Variants in IMMP2L observed in about 807,000 individuals in gnomAD.
IMMP2L encodes mitochondrial inner membrane protease subunit 2.
Under a neutral mutation model 19.3 loss-of-function variants are expected in IMMP2L, and 18 were observed. The ratio of observed to expected loss-of-function variants is 0.93; its 90% confidence interval spans 0.64 to 1.38. The LOEUF (loss-of-function observed/expected upper bound fraction) is 1.38. IMMP2L is among the 40% of genes most tolerant of loss of function. The pLI is 0.00. For missense variants in IMMP2L, 233 were observed against 218.2 expected (o/e 1.07, Z -0.43); for synonymous variants, 76 against 73.0 (o/e 1.04, Z -0.21).
intron 3 of IMMP2L, among the ~76,000 whole-genome samples, chr7:111,028,005 A>G (rs1049471571): frequency 1.6e-4 from 24 of 152,150 alleles, no homozygotes; most frequent in African/African-American, 4.8e-4. Context: ...TGGGTTAAAA[A>G]TAAGTCATAT....
chr7:110,788,321 T>G (rs1800226665), intron 5 of IMMP2L, among the ~76,000 whole-genome samples: 1 of 152,032 alleles, frequency 6.6e-6, no homozygotes, highest in African/African-American at 2.4e-5. Flanking sequence ...GATTGACAAT[T>G]AATTCTCAGT....
At chr7:111,427,918 A>C (rs1836245218) in intron 3 of IMMP2L, among the ~76,000 whole-genome samples, 2 of 151,834 alleles carry the variant, frequency 1.3e-5, no homozygotes, top group African/African-American at 4.9e-5. Context: ...ATTGGACTTA[A>C]GATATAGCTA....
Position 111,281,156 on chromosome 7 carries a change from CAG to C in IMMP2L, c.239+206080_239+206081del, listed in dbSNP as rs1358145485. Among the ~76,000 whole-genome samples, 28 of 67,812 alleles carry C rather than the reference CAG, an allele frequency of 4.1e-4. No individual in the cohort carries two copies. The Admixed American group carries it at 5.2e-3, about 13-fold the overall frequency. 44.5% of individuals were successfully genotyped at this position (67,812 alleles called of 152,430 possible). A position where few individuals can be genotyped will look rare whatever the true frequency, so the allele number is the denominator to read the frequency against. On this transcript the variant is annotated intron_variant, in intron 3 of 5. Transcript: ENST00000405709. The stretch of plus-strand genomic sequence containing the variant: ...AGAGAAAGACAGAAAGACAGAAAGA[CAG>C]AAAGAAAGAAAGAAAGAAAGAAAGA...
At chr7:110,820,225 C>T (rs950440537) in intron 5 of IMMP2L, among the ~76,000 whole-genome samples, 1 of 151,962 alleles carries the variant, frequency 6.6e-6, no homozygotes, top group Admixed American at 6.6e-5. Context: ...TTATGAAATG[C>T]TCTGGGCTTT....
At chr7:111,072,492 CCATG>C (rs1355419830) in intron 3 of IMMP2L, among the ~76,000 whole-genome samples, 7 of 151,970 alleles carry the variant, frequency 4.6e-5, no homozygotes, top group Non-Finnish European at 1.0e-4. Context: ...TAACCTCAAT[CCATG>C]CATGAGGAAA....
intron 4 of IMMP2L, among the ~76,000 whole-genome samples, chr7:110,912,554 G>A (rs1813165928): frequency 6.6e-6 from 1 of 150,884 alleles, no homozygotes; most frequent in African/African-American, 2.4e-5. Flanking sequence ...GTTTCTGTGA[G>A]CATTAAAAAT....
In IMMP2L at chr7:110,924,636, T is replaced by C. The variant is rs1465896799; in HGVS notation, c.306-37941A>G. ...AATAAGTAGATAATTGGATGTCTAA[T>C]TTTTTTCTTCAAATAGCTTCTTTTT... On this transcript the variant is annotated intron_variant, in intron 4 of 5. Coordinates refer to ENST00000405709, the MANE Select transcript of IMMP2L (RefSeq NM_032549.4). This position sits in a 1 kb window ranked among gnomAD's most constrained non-coding sequence, Gnocchi z 4.2. 6.6e-6 allele frequency among the ~76,000 whole-genome samples: 1 copy of C among 152,194 alleles called. No homozygotes were observed. The highest frequency in any genetic ancestry group is 1.5e-5 in the Non-Finnish European group (1 of 68,028).
intron 5 of IMMP2L, among the ~76,000 whole-genome samples, chr7:110,700,855 T>C (rs1794234166): frequency 6.6e-6 from 1 of 152,258 alleles, no homozygotes; most frequent in South Asian, 2.1e-4. Flanking sequence ...TATTCCTATG[T>C]ACTGATATAG....
At chr7:110,706,991 A>AAT (rs540093587) in intron 5 of IMMP2L, among the ~76,000 whole-genome samples, 1 of 134,456 alleles carries the variant, frequency 7.4e-6, no homozygotes, top group Non-Finnish European at 1.6e-5. Context: ...TTACACTTAA[A>AAT]TTTTTTTTTT....
At chr7:110,940,245 G>A (rs1816585976) in intron 4 of IMMP2L, among the ~76,000 whole-genome samples, 1 of 151,552 alleles carries the variant, frequency 6.6e-6, no homozygotes, top group South Asian at 2.1e-4. Flanking sequence ...CTTGAACCTG[G>A]GAGTTGGAGC....
chr7:111,219,058 T>C (rs1469643921), intron 3 of IMMP2L, among the ~76,000 whole-genome samples: 1 of 152,024 alleles, frequency 6.6e-6, no homozygotes, highest in Non-Finnish European at 1.5e-5. Flanking sequence ...AATAGAGGTA[T>C]TAAGCTAGAA....
intron 3 of IMMP2L, among the ~76,000 whole-genome samples, chr7:111,156,015 A>C (rs1267247124): frequency 6.6e-6 from 1 of 152,116 alleles, no homozygotes; most frequent in Non-Finnish European, 1.5e-5. Context: ...TGTGAGATTT[A>C]TCCATGTTCT....
chr7:111,199,883 C>A (rs1354691609), intron 3 of IMMP2L, among the ~76,000 whole-genome samples: 1 of 152,088 alleles, frequency 6.6e-6, no homozygotes. Flanking sequence ...CTCCAGGAAA[C>A]TGGGTGTAGT....
chr7:111,539,861 G>C (rs535226618), intron 1 of IMMP2L, among the ~76,000 whole-genome samples: 8 of 152,234 alleles, frequency 5.3e-5, no homozygotes, highest in African/African-American at 1.9e-4. Flanking sequence ...GTGCTAAAAT[G>C]AGAAATACCA....
chr7:111,440,980 A>C (rs1317497078), intron 3 of IMMP2L, among the ~76,000 whole-genome samples: 3 of 151,888 alleles, frequency 2.0e-5, no homozygotes, highest in African/African-American at 7.3e-5. Flanking sequence ...TGCTAGCTTC[A>C]AACTTTTCTT....
At chr7:111,421,062 G>C (rs1262913187) in intron 3 of IMMP2L, among the ~76,000 whole-genome samples, 1 of 151,650 alleles carries the variant, frequency 6.6e-6, no homozygotes, top group Non-Finnish European at 1.5e-5. Flanking sequence ...ATCCTCTCCA[G>C]CATCTGTTGT....
At chr7:110,817,829 C>G (rs1484915589) in intron 5 of IMMP2L, among the ~76,000 whole-genome samples, 2 of 152,146 alleles carry the variant, frequency 1.3e-5, no homozygotes, top group Non-Finnish European at 2.9e-5. Context: ...ACCATCTGAT[C>G]TTTGACAAAC....
chr7:111,291,194 G>T (rs1007030580), intron 3 of IMMP2L, among the ~76,000 whole-genome samples: 5 of 152,062 alleles, frequency 3.3e-5, no homozygotes, highest in African/African-American at 9.7e-5. Context: ...AATTTGGGGT[G>T]ATTCAATCAG....
chr7:111,355,305 A>C (rs1828588222), intron 3 of IMMP2L, among the ~76,000 whole-genome samples: 1 of 151,894 alleles, frequency 6.6e-6, no homozygotes. Flanking sequence ...CTAATGCATG[A>C]CATCAGTTTG....
Sources: gnomAD v4.1 joint callset for allele counts (sites outside exome capture counted in the v4.1 genomes callset) on GRCh38, gnomAD v4.1.1 for gene constraint, Gnocchi (gnomAD v3.1) non-coding constraint, MANE v1.5 for transcripts, NCBI Gene and HGNC (gene_info 2026-07-23, HGNC 2026-07-21) for gene names.